Variants in RNF213 observed in about 807,000 individuals in gnomAD.
RNF213 encodes the protein ring finger protein 213, also known as E3 ubiquitin-protein ligase RNF213.
Under a neutral mutation model 514.4 loss-of-function variants are expected in RNF213, and 341 were observed. The observed-to-expected ratio is 0.66, with a 90% CI of 0.61 to 0.73. RNF213 has a LOEUF of 0.73. RNF213 is among the 30% of genes least tolerant of loss of function. The pLI, the probability that RNF213 is intolerant of heterozygous loss-of-function variation, is 0.00. For missense variants in RNF213, 5,767 were observed against 6,615.6 expected (o/e 0.87, Z 4.45); for synonymous variants, 2,655 against 2,658.2 (o/e 1.00, Z 0.04).
chr17:80,290,495 GTGCGCGTGTGTGCA>G, intron 6 of RNF213, 61 bp from the exon 7 acceptor site: 3 of 1,569,784 alleles, frequency 1.9e-6, no homozygotes, highest in Non-Finnish European at 2.6e-6. Context: ...ACGTGTGTGT[GTGCGCGTGTGTGCA>G]TGCACATGGC....
intron 11 of RNF213, among the ~76,000 whole-genome samples, chr17:80,302,525 C>T (rs1053652439): frequency 2.0e-5 from 3 of 151,860 alleles, no homozygotes; most frequent in Non-Finnish European, 4.4e-5. Flanking sequence ...AACACTGTTC[C>T]CCATAAATAT....
chr17:80,303,550 CTT>C (rs1450347474), intron 11 of RNF213, among the ~76,000 whole-genome samples: 2,469 of 149,428 alleles, frequency 0.017, 53 homozygotes, highest in African/African-American at 0.058. Context: ...TATTCCTTTT[CTT>C]TTTTCTTTTC....
rs2044918328 is a variant in RNF213, at chr17:80,295,764, C to T, written c.1963C>T (p.Pro655Ser). The T allele has an allele frequency of 1.2e-6, 2 of 1,614,134 alleles. No individual in the cohort carries two copies. Among genetic ancestry groups the T allele is most frequent in the Non-Finnish European group, 1.7e-6 (2 of 1,180,022 alleles). The change falls in exon 10 of 68, where the codon CCA (proline) becomes TCA (serine). Residue 655 changes from proline (P) to serine (S), a missense_variant. Transcript: ENST00000582970. ...CHLLTSDASS[P>S]DEFHRDLSHI... ...CCTCCTAACCTCAGATGCCAGCTCA[C>T]CAGATGAGTTTCACCGTGACCTAAG...
At chr17:80,372,096 G>C in intron 47 of RNF213, 111 bp downstream of exon 47, 1 of 732,706 alleles carries the variant, frequency 1.4e-6, no homozygotes, top group Non-Finnish European at 2.4e-6. Flanking sequence ...GCTCTGTTCC[G>C]TGCAGAAAAG....
chr17:80,343,334 C>T lies in RNF213; in HGVS notation c.6183+9C>T, dbSNP rs766089693. The T allele has an allele frequency of 1.2e-6, 2 of 1,609,540 alleles. No homozygotes were observed. Among genetic ancestry groups the T allele is most frequent in the Middle Eastern group, 2.1e-4 (1 of 4,680 alleles). ...TGGACGTGACCTCCTCAGTAAGTGC[C>T]CTCCAGCGTCAGCCGATGGCCACAT... On this transcript the variant is annotated intron_variant, in intron 27 of 67. Coordinates refer to ENST00000582970, the MANE Select transcript of RNF213 (RefSeq NM_001256071.3). The surrounding 1 kb of genome is among the most constrained non-coding windows in gnomAD (Gnocchi z 4.3).
chr17:80,277,419 G>A lies in RNF213; in HGVS notation c.261+4015G>A, dbSNP rs2044104697. On this transcript the variant is annotated intron_variant, in intron 3 of 67. Coordinates refer to ENST00000582970, the MANE Select transcript of RNF213 (RefSeq NM_001256071.3). ...TCAAGACCAACCTGACCAACATGGG[G>A]AAACCCCGTCTCTACTAAAAATACA... Among the ~76,000 whole-genome samples, 2 of 152,006 alleles carry A rather than the reference G, an allele frequency of 1.3e-5. 1 individual carries two copies. Among genetic ancestry groups the A allele is most frequent in the Non-Finnish European group, 2.9e-5 (2 of 68,008 alleles).
rs755844429 is a variant in RNF213, at chr17:80,385,655, C to A, written c.14539+34C>A. 15 of 1,566,608 alleles carry A rather than the reference C, an allele frequency of 9.6e-6. No homozygotes were observed. The African/African-American group carries it at 1.6e-4, about 17-fold the overall frequency. ...CCTGTCCCCTGTACCACTAAGCGTT[C>A]CAGGAGAGCCTCGTCTGAAAGCTCT... On this transcript the variant is annotated intron_variant, in intron 61 of 67. Coordinates refer to ENST00000582970, the MANE Select transcript of RNF213 (RefSeq NM_001256071.3).
intron 65 of RNF213, 43 bp from the exon 66 acceptor site, chr17:80,389,785 G>T: frequency 6.6e-7 from 1 of 1,521,160 alleles, no homozygotes; most frequent in Non-Finnish European, 9.1e-7. Flanking sequence ...GAGTGGGGGT[G>T]TGAGACCTCA....
At position 80,373,214 on chromosome 17, in the gene RNF213, A is replaced by G. The variant is rs751762156; in HGVS notation, c.12942+49A>G. 7 of 1,526,128 alleles carry G rather than the reference A, an allele frequency of 4.6e-6. No individual in the cohort carries two copies. In the Middle Eastern group the frequency reaches 9.3e-4, roughly 204 times the overall value. 94.5% of individuals were successfully genotyped at this position (1,526,128 alleles called of 1,614,324 possible). A position where few individuals can be genotyped will look rare whatever the true frequency, so the allele number is the denominator to read the frequency against. On this transcript the variant is annotated intron_variant, in intron 49 of 67. Transcript: ENST00000582970. Reference sequence around the variant, plus strand: ...CACAAACATGCACCCCCACAGCCCCATACACCCCAAACCCACACACCCCCC... The same window carrying G: ...CACAAACATGCACCCCCACAGCCCCGTACACCCCAAACCCACACACCCCCC...
At chr17:80,298,742 AT>A (rs1285143424) in intron 11 of RNF213, 1 of 511,604 alleles carries the variant, frequency 2.0e-6, no homozygotes, top group Admixed American at 2.9e-5. Flanking sequence ...AGACGGGTGG[AT>A]CACCTGAGGT....
intron 51 of RNF213, 105 bp downstream of exon 51, chr17:80,375,975 C>A: frequency 1.1e-6 from 1 of 935,892 alleles, no homozygotes; most frequent in Non-Finnish European, 1.7e-6. Flanking sequence ...ATTTTTTTAT[C>A]TAGGATAGAG....
intron 11 of RNF213, among the ~76,000 whole-genome samples, chr17:80,303,667 G>C (rs1191479771): frequency 6.6e-6 from 1 of 150,652 alleles, no homozygotes; most frequent in Non-Finnish European, 1.5e-5. Context: ...AGGTTCAAGT[G>C]ATTCTTGTGC....
intron 2 of RNF213, among the ~76,000 whole-genome samples, chr17:80,265,726 G>A (rs986652081): frequency 6.6e-6 from 1 of 152,200 alleles, no homozygotes; most frequent in Non-Finnish European, 1.5e-5. Flanking sequence ...GATTAGCTGA[G>A]TTAAAATGAA....
intron 36 of RNF213, 102 bp from the exon 37 acceptor site, chr17:80,358,186 T>C (rs2078904324): frequency 3.2e-6 from 3 of 937,612 alleles, no homozygotes; most frequent in Non-Finnish European, 5.1e-6. Context: ...AGTAGACTAG[T>C]TGTTTTGTTA....
rs2080400974 is a variant in RNF213 at position 80,390,065 on chromosome 17, T to C, written c.15339T>C (p.Asn5113=). The C allele has an allele frequency of 1.2e-6, 2 of 1,614,074 alleles. No homozygotes were observed. Among genetic ancestry groups the C allele is most frequent in the South Asian group, 1.1e-5 (1 of 91,092 alleles). Residue 5113 remains asparagine (N), a synonymous_variant, in exon 67 of 68, where the codon AAT becomes AAC. Coordinates refer to ENST00000582970, the MANE Select transcript of RNF213 (RefSeq NM_001256071.3). The part of the protein sequence containing the change: ...SRYKADLSPE[N]AKLLSTFLNQ... Reference sequence around the variant, plus strand: ...ACAAAGCGGATCTGAGCCCGGAAAATGCTAAGCTCCTCAGCACATTCCTAA... The same window carrying C: ...ACAAAGCGGATCTGAGCCCGGAAAACGCTAAGCTCCTCAGCACATTCCTAA...
rs1275469975 is a variant in RNF213 at position 80,363,698 on chromosome 17, G to A, written c.11658G>A (p.Val3886=). Reference sequence around the variant, plus strand: ...GTCCCCAGGCGTGGCTACAGTTGGTGAAGAATCTTTCCATGCCGCTGGAGC... The same window carrying A: ...GTCCCCAGGCGTGGCTACAGTTGGTAAAGAATCTTTCCATGCCGCTGGAGC... ...KPSPQAWLQL[V]KNLSMPLELI... The change falls in exon 41 of 68, where the codon GTG becomes GTA. Residue 3886 remains valine, a synonymous_variant. Transcript: ENST00000582970. 1 of 1,614,002 alleles carries A rather than the reference G, an allele frequency of 6.2e-7. No individual in the cohort carries two copies. Among genetic ancestry groups the A allele is most frequent in the South Asian group, 1.1e-5 (1 of 91,080 alleles).
chr17:80,301,046 T>C (rs2045160059), intron 11 of RNF213, among the ~76,000 whole-genome samples: 1 of 152,212 alleles, frequency 6.6e-6, no homozygotes. Flanking sequence ...ATTACACCTT[T>C]GTCAGATGCA....
rs915092987 is a variant in RNF213, at chr17:80,354,664, A to T, written c.10862+88A>T. ...CAGGGATCCTCTCTCCATCCGGGCC[A>T]TGGGGACTGAGCTGTTTCTTTCCAA... On this transcript the variant is annotated intron_variant, in intron 36 of 67. Coordinates refer to ENST00000582970, the MANE Select transcript of RNF213 (RefSeq NM_001256071.3). The T allele has an allele frequency of 4.0e-6, 6 of 1,501,858 alleles. No individual in the cohort carries two copies. In the South Asian group the frequency reaches 4.6e-5, roughly 11 times the overall value. The allele number at this position is 1,501,858 out of a possible 1,614,324, so 93.0% of individuals were successfully genotyped here. A position where few individuals can be genotyped will look rare whatever the true frequency, so the allele number is the denominator to read the frequency against.
chr17:80,383,844 A>G lies in RNF213; in HGVS notation c.14238A>G (p.Arg4746=), dbSNP rs777899874. 6.2e-7 allele frequency: 1 copy of G among 1,614,186 alleles called. No homozygotes were observed. Among genetic ancestry groups the G allele is most frequent in the South Asian group, 1.1e-5 (1 of 91,080 alleles). ...HCSKIWSCRK[R]ITVEYLQHIV... is the part of the protein sequence containing the mutation. ...CTAAGATTTGGAGCTGCAGGAAAAG[A>G]ATTACAGTTGAGTACCTCCAGCACA... The change falls in exon 59 of 68, where the codon AGA becomes AGG. Residue 4746 remains arginine, a synonymous_variant. Transcript: ENST00000582970.
Sources: gnomAD v4.1 joint callset for allele counts (sites outside exome capture counted in the v4.1 genomes callset) on GRCh38, gnomAD v4.1.1 for gene constraint, Gnocchi (gnomAD v3.1) non-coding constraint, MANE v1.5 for transcripts, NCBI Gene and HGNC (gene_info 2026-07-23, HGNC 2026-07-21) for gene names.